The following DUSP1 variants were observed in gnomAD, a reference collection of about 807,000 sequenced individuals.
DUSP1 encodes the protein dual specificity protein phosphatase 1.
Under a neutral mutation model 27.4 loss-of-function variants are expected in DUSP1, and 10 were observed. The ratio of observed to expected loss-of-function variants is 0.37; its 90% CI spans 0.23 to 0.62. DUSP1 has a LOEUF of 0.62. Among genes scored for constraint, DUSP1 ranks in the 20% least tolerant of loss-of-function variants. The pLI is 0.68. For synonymous variants in DUSP1, 262 were observed against 223.6 expected (o/e 1.17, Z -1.53); for missense variants, 425 against 508.1 (o/e 0.84, Z 1.57).
chr5:172,769,765 CAGAA>C lies in DUSP1; in HGVS notation c.539_542del (p.Phe180CysfsTer23). On this transcript the variant is annotated frameshift_variant, in exon 3 of 4. Coordinates refer to ENST00000239223, the MANE Select transcript of DUSP1 (RefSeq NM_004417.4). LOFTEE classifies it high-confidence loss of function. The stretch of plus-strand genomic sequence containing the variant: ...AAGCGTGATACGCACTGCCCAGGTA[CAGAA>C]AGGGCAGGATTTCCACCGGGCCACC... The C allele has an allele frequency of 6.2e-7, 1 of 1,614,178 alleles. No individual in the cohort carries two copies. The highest frequency in any genetic ancestry group is 8.5e-7 in the Non-Finnish European group (1 of 1,180,042).
chr5:172,768,633 G>T lies in DUSP1; in HGVS notation c.*129C>A. The T allele has an allele frequency of 7.9e-7, 1 of 1,271,488 alleles. No individual in the cohort carries two copies. The highest frequency in any genetic ancestry group is 2.1e-5 in the South Asian group (1 of 46,710). 78.8% of individuals were successfully genotyped at this position (1,271,488 alleles called of 1,614,324 possible). A position where few individuals can be genotyped will look rare whatever the true frequency, so the allele number is the denominator to read the frequency against. ...ATCACCATAACTGCTTAGAAACCCA[G>T]AGGAACTCGGGTGAAGTTAAATAAA... On this transcript the variant is annotated 3_prime_UTR_variant, in exon 4 of 4. Transcript: ENST00000239223.
At position 172,768,627 on chromosome 5, in the gene DUSP1, A is replaced by T; in HGVS notation, c.*135T>A. The T allele has an allele frequency of 8.1e-7, 1 of 1,235,768 alleles. No homozygotes were observed. 76.6% of individuals were successfully genotyped at this position (1,235,768 alleles called of 1,614,324 possible). On this transcript the variant is annotated 3_prime_UTR_variant, in exon 4 of 4. Coordinates refer to ENST00000239223, the MANE Select transcript of DUSP1 (RefSeq NM_004417.4). Reference sequence around the variant, plus strand: ...TAAGTCATCACCATAACTGCTTAGAAACCCAGAGGAACTCGGGTGAAGTTA... The same window carrying T: ...TAAGTCATCACCATAACTGCTTAGATACCCAGAGGAACTCGGGTGAAGTTA...
Position 172,768,641 on chromosome 5 carries a change from C to G in DUSP1, c.*121G>C, listed in dbSNP as rs1315700270. The G allele has an allele frequency of 9.2e-6, 12 of 1,301,890 alleles. No individual in the cohort carries two copies. Among genetic ancestry groups the G allele is most frequent in the Non-Finnish European group, 1.2e-5 (12 of 999,202 alleles). 80.6% of individuals were successfully genotyped at this position (1,301,890 alleles called of 1,614,324 possible). A position where few individuals can be genotyped will look rare whatever the true frequency, so the allele number is the denominator to read the frequency against. The stretch of plus-strand genomic sequence containing the variant: ...AACTGCTTAGAAACCCAGAGGAACT[C>G]GGGTGAAGTTAAATAAATAAGGACC... On this transcript the variant is annotated 3_prime_UTR_variant, in exon 4 of 4. Coordinates refer to ENST00000239223, the MANE Select transcript of DUSP1 (RefSeq NM_004417.4).
chr5:172,769,035 A>G lies in DUSP1; in HGVS notation c.831T>C (p.Asn277=), dbSNP rs756082359. ...CAAAGGCCTCGTCCAGCTTGACTCGATTAGTCCTCATAAGGTAAGCAAGGC... is the reference window on the plus strand; with the variant it reads ...CAAAGGCCTCGTCCAGCTTGACTCGGTTAGTCCTCATAAGGTAAGCAAGGC... ...TICLAYLMRT[N]RVKLDEAFEF... Residue 277 remains asparagine (N), a synonymous_variant, in exon 4 of 4, where the codon AAT becomes AAC. Coordinates refer to ENST00000239223, the MANE Select transcript of DUSP1 (RefSeq NM_004417.4). 12 of 1,614,216 alleles carry G rather than the reference A, an allele frequency of 7.4e-6. No homozygotes were observed. In the South Asian group the frequency reaches 1.1e-4, roughly 15 times the overall value.
In DUSP1 at chr5:172,770,796, G is replaced by T. The variant is rs1460945294; in HGVS notation, c.157C>A (p.Arg53=). 7 of 1,508,876 alleles carry T rather than the reference G, an allele frequency of 4.6e-6. No individual in the cohort carries two copies. Among genetic ancestry groups the T allele is most frequent in the Non-Finnish European group, 6.2e-6 (7 of 1,134,338 alleles). The allele number at this position is 1,508,876 out of a possible 1,614,324, so 93.5% of individuals were successfully genotyped here. ...CCCATGGCGCCCTTGGCCCGGCGCC[G>T]CACGATGGTGCTGAAGCGCACGTTG... is the stretch of plus-strand genomic sequence containing the variant. ...SVNVRFSTIV[R]RRAKGAMGLE... The change falls in exon 1 of 4, where the codon CGG becomes AGG. Residue 53 remains arginine, a synonymous_variant. Coordinates refer to ENST00000239223, the MANE Select transcript of DUSP1 (RefSeq NM_004417.4).
In DUSP1 at chr5:172,771,147, C is replaced by T; in HGVS notation, c.-195G>A. ...CTCCTCGGCTTCTTCGCGGTTCCCCCGACTGCCCCTCCGACCCGCGTCGCA... is the reference window on the plus strand; with the variant it reads ...CTCCTCGGCTTCTTCGCGGTTCCCCTGACTGCCCCTCCGACCCGCGTCGCA... On this transcript the variant is annotated 5_prime_UTR_variant, in exon 1 of 4. Coordinates refer to ENST00000239223, the MANE Select transcript of DUSP1 (RefSeq NM_004417.4). 1 of 689,006 alleles carries T rather than the reference C, an allele frequency of 1.5e-6. No homozygotes were observed. The highest frequency in any genetic ancestry group is 2.1e-6 in the Non-Finnish European group (1 of 475,094). 42.7% of individuals were successfully genotyped at this position (689,006 alleles called of 1,614,324 possible).
At position 172,768,338 on chromosome 5, in the gene DUSP1, T is replaced by C. The variant is rs1759823033; in HGVS notation, c.*424A>G. ...AAACAAAAATTGAGGTATTTGGTTC[T>C]TCTAGGAGTAGACAATGACATTTGT... is the stretch of plus-strand genomic sequence containing the variant. On this transcript the variant is annotated 3_prime_UTR_variant, in exon 4 of 4. Transcript: ENST00000239223. 1 of 156,060 alleles carries C rather than the reference T, an allele frequency of 6.4e-6. No individual in the cohort carries two copies. Among genetic ancestry groups the C allele is most frequent in the Non-Finnish European group, 1.4e-5 (1 of 70,426 alleles). The allele number at this position is 156,060 out of a possible 1,614,324, so 9.7% of individuals were successfully genotyped here. A position where few individuals can be genotyped will look rare whatever the true frequency, so the allele number is the denominator to read the frequency against.
chr5:172,769,750 C>A lies in DUSP1; in HGVS notation c.558G>T (p.Ala186=), dbSNP rs755306894. The part of the protein sequence containing the change: ...EILPFLYLGS[A]YHASRKDMLD... ...GCATGTCCTTGCGGGAAGCGTGATA[C>A]GCACTGCCCAGGTACAGAAAGGGCA... Residue 186 remains alanine (A), a synonymous_variant, in exon 3 of 4, where the codon GCG becomes GCT. Coordinates refer to ENST00000239223, the MANE Select transcript of DUSP1 (RefSeq NM_004417.4). The A allele has an allele frequency of 1.2e-6, 2 of 1,614,132 alleles. No homozygotes were observed. Among genetic ancestry groups the A allele is most frequent in the African/African-American group, 2.7e-5 (2 of 74,946 alleles).
At position 172,770,267 on chromosome 5, in the gene DUSP1, C is replaced by T. The variant is rs764979168; in HGVS notation, c.407G>A (p.Cys136Tyr). ...CCCCATGGGGGTCGACTGTTTGCTG[C>T]ACAGCTCCGGGCAGGAAGCCGAAAA... ...EAFSASCPEL[C>Y]SKQSTPMGLS... The change falls in exon 2 of 4, where the codon TGC becomes TAC. Residue 136 changes from cysteine to tyrosine, a missense_variant. Transcript: ENST00000239223. The T allele has an allele frequency of 4.3e-6, 7 of 1,611,600 alleles. No homozygotes were observed. The highest frequency in any genetic ancestry group is 5.9e-6 in the Non-Finnish European group (7 of 1,179,182).
chr5:172,769,312 G>A (rs1759843399), intron 3 of DUSP1, among the ~76,000 whole-genome samples, 180 bp from the exon 4 acceptor site: 1 of 152,212 alleles, frequency 6.6e-6, no homozygotes, highest in Non-Finnish European at 1.5e-5. Flanking sequence ...GGATGGCACA[G>A]GATTTAAACT....
chr5:172,769,811 T>C lies in DUSP1; in HGVS notation c.514-17A>G, dbSNP rs200791815. 1.9e-4 allele frequency: 307 copies of C among 1,610,924 alleles called. 1 individual carries two copies. The East Asian group carries it at 6.4e-3, about 33-fold the overall frequency. The stretch of plus-strand genomic sequence containing the variant: ...CGGGCCACCCTGAAATCCAGAAATA[T>C]CCAACATTCATCAAGCTTGCTCAAA... On this transcript the variant is annotated splice_polypyrimidine_tract_variant and intron_variant, in intron 2 of 3. Coordinates refer to ENST00000239223, the MANE Select transcript of DUSP1 (RefSeq NM_004417.4).
At chr5:172,769,874 T>A in intron 2 of DUSP1, 80 bp from the exon 3 acceptor site, 7 of 1,484,506 alleles carry the variant, frequency 4.7e-6, no homozygotes, top group Non-Finnish European at 6.4e-6. Context: ...AACTTTCTGC[T>A]GGAAAAGTCA....
chr5:172,771,161 A>C lies in DUSP1; in HGVS notation c.-209T>G. 3.4e-6 allele frequency: 2 copies of C among 587,856 alleles called. No individual in the cohort carries two copies. Among genetic ancestry groups the C allele is most frequent in the Non-Finnish European group, 5.2e-6 (2 of 386,518 alleles). The allele number at this position is 587,856 out of a possible 1,614,324, so 36.4% of individuals were successfully genotyped here. On this transcript the variant is annotated 5_prime_UTR_variant, in exon 1 of 4. Transcript: ENST00000239223. ...CGCGGTTCCCCCGACTGCCCCTCCG[A>C]CCCGCGTCGCACACACAGCCCAAAT...
intron 1 of DUSP1, 134 bp downstream of exon 1, chr5:172,770,452 A>G: frequency 2.6e-6 from 4 of 1,530,440 alleles, no homozygotes; most frequent in Non-Finnish European, 3.5e-6. Flanking sequence ...AAAGCCAATG[A>G]CAAGTTCCAG....
chr5:172,770,825 G>C lies in DUSP1; in HGVS notation c.128C>G (p.Ser43Cys). ...FAFNAGHIAG[S>C]VNVRFSTIVR... ...GATGGTGCTGAAGCGCACGTTGACA[G>C]AGCCGGCGATGTGGCCGGCGTTGAA... is the stretch of plus-strand genomic sequence containing the variant. The change falls in exon 1 of 4, where the codon TCT becomes TGT. Residue 43 changes from serine (S) to cysteine (C), a missense_variant. Physicochemically the swap from Ser to Cys is moderately radical, Grantham distance 112. Around this residue, in one of 3 missense-constraint regions of DUSP1, gnomAD observed 282 missense variants for 319.3 expected, o/e 0.88. Coordinates refer to ENST00000239223, the MANE Select transcript of DUSP1 (RefSeq NM_004417.4). 1 of 1,526,926 alleles carries C rather than the reference G, an allele frequency of 6.5e-7. No individual in the cohort carries two copies. The highest frequency in any genetic ancestry group is 8.8e-7 in the Non-Finnish European group (1 of 1,142,380). 94.6% of individuals were successfully genotyped at this position (1,526,926 alleles called of 1,614,324 possible). A position where few individuals can be genotyped will look rare whatever the true frequency, so the allele number is the denominator to read the frequency against.
rs1222689978 is a variant in DUSP1 at position 172,768,419 on chromosome 5, C to T, written c.*343G>A. 2 of 204,900 alleles carry T rather than the reference C, an allele frequency of 9.8e-6. No individual in the cohort carries two copies. Among genetic ancestry groups the T allele is most frequent in the Non-Finnish European group, 1.9e-5 (2 of 102,594 alleles). 12.7% of individuals were successfully genotyped at this position (204,900 alleles called of 1,614,324 possible). A position where few individuals can be genotyped will look rare whatever the true frequency, so the allele number is the denominator to read the frequency against. On this transcript the variant is annotated 3_prime_UTR_variant, in exon 4 of 4. Coordinates refer to ENST00000239223, the MANE Select transcript of DUSP1 (RefSeq NM_004417.4). ...GGTATATTCTCATATGTATATGTGT[C>T]GTCGGGAATAATACTGGTAGGTATG...
At position 172,770,957 on chromosome 5, in the gene DUSP1, G is replaced by C. The variant is rs1342925616; in HGVS notation, c.-5C>G. 1.5e-5 allele frequency: 22 copies of C among 1,485,976 alleles called. No homozygotes were observed. The Admixed American group carries it at 3.3e-4, about 22-fold the overall frequency. The allele number at this position is 1,485,976 out of a possible 1,614,324, so 92.0% of individuals were successfully genotyped here. Reference sequence around the variant, plus strand: ...GGTGCCCACTTCCATGACCATGGCCGGCCTCAGCGCCCCCAGCGTGATCGG... The same window carrying C: ...GGTGCCCACTTCCATGACCATGGCCCGCCTCAGCGCCCCCAGCGTGATCGG... On this transcript the variant is annotated 5_prime_UTR_variant, in exon 1 of 4. Transcript: ENST00000239223.
chr5:172,768,615 T>C lies in DUSP1; in HGVS notation c.*147A>G. The C allele has an allele frequency of 8.6e-7, 1 of 1,161,466 alleles. No homozygotes were observed. The highest frequency in any genetic ancestry group is 2.4e-5 in the South Asian group (1 of 41,706). The allele number at this position is 1,161,466 out of a possible 1,614,324, so 71.9% of individuals were successfully genotyped here. On this transcript the variant is annotated 3_prime_UTR_variant, in exon 4 of 4. Transcript: ENST00000239223. ...ATGTCTTGACGCTAAGTCATCACCATAACTGCTTAGAAACCCAGAGGAACT... is the reference window on the plus strand; with the variant it reads ...ATGTCTTGACGCTAAGTCATCACCACAACTGCTTAGAAACCCAGAGGAACT...
chr5:172,769,274 C>CA, intron 3 of DUSP1, 142 bp from the exon 4 acceptor site: 1 of 1,335,026 alleles, frequency 7.5e-7, no homozygotes, highest in Non-Finnish European at 1.0e-6. Flanking sequence ...GGATACTGTT[C>CA]ATGGAGGCAA....
Sources: allele counts gnomAD v4.1 joint callset (sites outside exome capture counted in the v4.1 genomes callset), GRCh38; gene constraint gnomAD v4.1.1; regional missense constraint gnomAD v4.1.1; transcripts MANE v1.5; gene names NCBI Gene and HGNC (gene_info 2026-07-23, HGNC 2026-07-21).